Variants in USP14 observed in about 807,000 individuals in gnomAD.
The protein encoded by USP14 is ubiquitin carboxyl-terminal hydrolase 14.
In USP14, 38 loss-of-function variants were observed where a neutral mutation model predicts 76.5. The observed-to-expected ratio is 0.50, with a 90% CI of 0.38 to 0.65. The LOEUF is 0.65. Among genes scored for constraint, USP14 ranks in the 30% least tolerant of loss-of-function variants. The probability of loss-of-function intolerance (pLI) is 0.00; values close to 1 mark genes in which losing one functional copy is unlikely to be tolerated. For missense variants in USP14, 467 were observed against 586.5 expected (o/e 0.80, Z 2.10); for synonymous variants, 192 against 191.7 (o/e 1.00, Z -0.01).
At chr18:192,772 C>T in intron 5 of USP14, 70 bp from the exon 6 acceptor site, 1 of 1,480,592 alleles carries the variant, frequency 6.8e-7, no homozygotes, top group Non-Finnish European at 9.4e-7. Context: ...CTCCTTTTAA[C>T]TGGTTTCTTC....
intron 3 of USP14, among the ~76,000 whole-genome samples, chr18:171,965 G>A (rs1909476482): frequency 1.3e-5 from 2 of 152,164 alleles, no homozygotes; most frequent in South Asian, 2.1e-4. Context: ...AAGTGGCCAG[G>A]CATGGTGGCT....
intron 5 of USP14, among the ~76,000 whole-genome samples, chr18:189,060 T>G (rs2143040235): frequency 6.6e-6 from 1 of 152,308 alleles, no homozygotes; most frequent in Non-Finnish European, 1.5e-5. Context: ...GTCCTGTCTT[T>G]AAATTATTTC....
chr18:188,480 GATTT>G (rs1238480469), intron 5 of USP14, among the ~76,000 whole-genome samples: 1 of 141,906 alleles, frequency 7.0e-6, no homozygotes, highest in East Asian at 2.1e-4. Flanking sequence ...TAGTAAGACT[GATTT>G]ATAGCATTCT....
intron 5 of USP14, among the ~76,000 whole-genome samples, chr18:181,453 T>G (rs1909787418): frequency 6.6e-6 from 1 of 152,204 alleles, no homozygotes; most frequent in Non-Finnish European, 1.5e-5. Context: ...TTCATGTGCT[T>G]ATTGGCCATT....
chr18:164,490 G>T (rs1909212513), intron 2 of USP14, among the ~76,000 whole-genome samples: 1 of 151,012 alleles, frequency 6.6e-6, no homozygotes, highest in African/African-American at 2.4e-5. Context: ...GTCTTGCCCT[G>T]TTGCCCATGC....
chr18:169,138 C>T (rs1909365716), intron 3 of USP14, among the ~76,000 whole-genome samples: 1 of 149,842 alleles, frequency 6.7e-6, no homozygotes, highest in African/African-American at 2.5e-5. Flanking sequence ...CACCTGTAAT[C>T]CCAGCACTTT....
chr18:199,235 C>T lies in USP14; in HGVS notation c.795C>T (p.Val265=). The T allele has an allele frequency of 6.2e-7, 1 of 1,613,784 alleles. No individual in the cohort carries two copies. The highest frequency in any genetic ancestry group is 8.5e-7 in the Non-Finnish European group (1 of 1,179,832). ...MKCTESEEEE[V]TKGKENQLQL... is the part of the protein sequence containing the mutation. ...GTACAGAATCTGAAGAAGAAGAAGT[C>T]ACCAAAGGAAAGGAAAATCAACTTC... Residue 265 remains valine, a synonymous_variant, in exon 10 of 16, where the codon GTC becomes GTT. Transcript: ENST00000261601.
At chr18:165,628 T>G (rs1909248903) in intron 2 of USP14, among the ~76,000 whole-genome samples, 1 of 152,204 alleles carries the variant, frequency 6.6e-6, no homozygotes, top group Admixed American at 6.5e-5. Flanking sequence ...TGAGGAAATT[T>G]TATAAATGAG....
intron 15 of USP14, among the ~76,000 whole-genome samples, chr18:210,881 C>G (rs952554929): frequency 1.3e-5 from 2 of 152,122 alleles, no homozygotes; most frequent in African/African-American, 4.8e-5. Flanking sequence ...CTGGAAAATT[C>G]CAGAGTACAC....
chr18:198,247 T>C, intron 9 of USP14, 115 bp downstream of exon 9: 1 of 957,812 alleles, frequency 1.0e-6, no homozygotes, highest in Non-Finnish European at 1.5e-6. Context: ...CAGAGGTTTT[T>C]TTTCTTTGAG....
At chr18:159,413 A>G (rs181239728) in intron 1 of USP14, among the ~76,000 whole-genome samples, 2 of 152,294 alleles carry the variant, frequency 1.3e-5, no homozygotes, top group African/African-American at 2.4e-5. Context: ...CTGACAGTCC[A>G]GGGTACTGGC....
chr18:192,989 G>A, intron 6 of USP14, 89 bp downstream of exon 6: 1 of 1,080,312 alleles, frequency 9.3e-7, no homozygotes, highest in Non-Finnish European at 1.3e-6. Context: ...AATGTCTTTT[G>A]TAAAACATCA....
chr18:204,658 T>C lies in USP14; in HGVS notation c.1130T>C (p.Leu377Pro), dbSNP rs778770983. The change falls in exon 13 of 16, where the codon CTA becomes CCA. Residue 377 changes from leucine (L) to proline (P), a missense_variant. Coordinates refer to ENST00000261601, the MANE Select transcript of USP14 (RefSeq NM_005151.4). ...MVSFRSKFKD[L>P]EDKKVNQQPN... ...TCTTTTCGATCCAAATTCAAGGATC[T>C]AGAAGATAAAAAAGTGAATCAGCAG... is the stretch of plus-strand genomic sequence containing the variant. The C allele has an allele frequency of 3.7e-6, 6 of 1,613,390 alleles. No individual in the cohort carries two copies. Among genetic ancestry groups the C allele is most frequent in the Non-Finnish European group, 5.1e-6 (6 of 1,179,774 alleles).
chr18:170,906 G>T (rs1418846182), intron 3 of USP14, among the ~76,000 whole-genome samples: 1 of 151,004 alleles, frequency 6.6e-6, no homozygotes, highest in Non-Finnish European at 1.5e-5. Context: ...ATGCATGCTG[G>T]GCTTAATACC....
At chr18:164,735 T>C (rs1909221927) in intron 2 of USP14, among the ~76,000 whole-genome samples, 1 of 152,126 alleles carries the variant, frequency 6.6e-6, no homozygotes. Flanking sequence ...ATTACAGGCG[T>C]GAGCCACTGC....
At position 158,610 on chromosome 18, in the gene USP14, C is replaced by A; in HGVS notation, c.-89C>A. The A allele has an allele frequency of 1.4e-6, 2 of 1,427,764 alleles. No individual in the cohort carries two copies. The highest frequency in any genetic ancestry group is 1.9e-6 in the Non-Finnish European group (2 of 1,068,736). The allele number at this position is 1,427,764 out of a possible 1,614,324, so 88.4% of individuals were successfully genotyped here. On this transcript the variant is annotated 5_prime_UTR_variant, in exon 1 of 16. Coordinates refer to ENST00000261601, the MANE Select transcript of USP14 (RefSeq NM_005151.4). The stretch of plus-strand genomic sequence containing the variant: ...GCCACCACCGCGCCTCCGCCTCGGC[C>A]GCCGCCGCAGCTGCTCCTGGTCCCC...
Position 158,714 on chromosome 18 carries a change from G to A in USP14, c.16G>A (p.Val6Ile). The change falls in exon 1 of 16, where the codon GTT becomes ATT. Residue 6 changes from valine (V) to isoleucine (I), a missense_variant and splice_region_variant. Val to Ile is a conservative substitution (Grantham distance 29, BLOSUM62 3). Transcript: ENST00000261601. Reference protein sequence around the residue: MPLYSVTVKWGKEKFE... With the variant: MPLYSITVKWGKEKFE... ...GCGCCCCGCCATGCCGCTCTACTCC[G>A]GTGAGCCCTGTCCTGGCCTCGCGCG... 1 of 1,533,038 alleles carries A rather than the reference G, an allele frequency of 6.5e-7. No homozygotes were observed. Among genetic ancestry groups the A allele is most frequent in the South Asian group, 1.2e-5 (1 of 83,348 alleles). The allele number at this position is 1,533,038 out of a possible 1,614,324, so 95.0% of individuals were successfully genotyped here. A position where few individuals can be genotyped will look rare whatever the true frequency, so the allele number is the denominator to read the frequency against.
chr18:203,214 A>G (rs759203745), intron 12 of USP14, 24 bp downstream of exon 12: 4 of 1,584,010 alleles, frequency 2.5e-6, no homozygotes, highest in Middle Eastern at 1.7e-4. Context: ...TTTACTTTGT[A>G]TAAGAAATGT....
Position 158,557 on chromosome 18 carries a change from G to A in USP14, c.-142G>A, listed in dbSNP as rs1008679596. 1.2e-5 allele frequency: 10 copies of A among 809,180 alleles called. No individual in the cohort carries two copies. The African/African-American group carries it at 1.6e-4, about 13-fold the overall frequency. 50.1% of individuals were successfully genotyped at this position (809,180 alleles called of 1,614,324 possible). The stretch of plus-strand genomic sequence containing the variant: ...CTGCGTCATCGCCAGTGGCCGGTTT[G>A]AATGAGACTCGTCGCACCGAAGCCG... On this transcript the variant is annotated 5_prime_UTR_variant, in exon 1 of 16. Transcript: ENST00000261601.
Sources: allele counts gnomAD v4.1 joint callset (sites outside exome capture counted in the v4.1 genomes callset), GRCh38; gene constraint gnomAD v4.1.1; transcripts MANE v1.5; gene names NCBI Gene and HGNC (gene_info 2026-07-23, HGNC 2026-07-21).